The following NOL10 variants were observed in gnomAD, a reference collection of about 807,000 sequenced individuals.
NOL10 encodes nucleolar protein 10.
Under a neutral mutation model 103.5 loss-of-function variants are expected in NOL10, and 58 were observed. The observed-to-expected ratio is 0.56, with a 90% CI of 0.45 to 0.70. The LOEUF is 0.70. Among genes scored for constraint, NOL10 ranks in the 30% least tolerant of loss-of-function variants. The pLI is 0.00. For missense variants in NOL10, 763 were observed against 807.3 expected (o/e 0.95, Z 0.67); for synonymous variants, 287 against 282.5 (o/e 1.02, Z -0.16).
rs1341918622 is a variant in NOL10, at chr2:10,587,178, T to TAC, written c.1844+1863_1844+1864dup. On this transcript the variant is annotated intron_variant, in intron 19 of 20. Coordinates refer to ENST00000381685, the MANE Select transcript of NOL10 (RefSeq NM_024894.4). ...ATATACACATATATACACATATATATACACATATATATACACATATATATA... is the reference window on the plus strand; with the variant it reads ...ATATACACATATATACACATATATATACACACATATATATACACATATATATA... Among the ~76,000 whole-genome samples, 2 of 52,700 alleles carry TAC rather than the reference T, an allele frequency of 3.8e-5. 1 individual carries two copies. Among genetic ancestry groups the TAC allele is most frequent in the Admixed American group, 4.3e-4 (2 of 4,640 alleles). The allele number at this position is 52,700 out of a possible 152,430, so 34.6% of individuals were successfully genotyped here. A position where few individuals can be genotyped will look rare whatever the true frequency, so the allele number is the denominator to read the frequency against.
At chr2:10,578,526 CTG>C (rs1360544131) in intron 19 of NOL10, among the ~76,000 whole-genome samples, 2 of 152,176 alleles carry the variant, frequency 1.3e-5, no homozygotes, top group East Asian at 1.9e-4. Context: ...TTTATATAAT[CTG>C]TGTCTCTGTT....
At chr2:10,604,240 T>C (rs527539716) in intron 14 of NOL10, among the ~76,000 whole-genome samples, 2 of 152,206 alleles carry the variant, frequency 1.3e-5, no homozygotes, top group Non-Finnish European at 1.5e-5. Flanking sequence ...TATGGGTCCA[T>C]GGCCCAGGGG....
chr2:10,673,452 C>T, intron 5 of NOL10, 68 bp downstream of exon 5: 1 of 968,234 alleles, frequency 1.0e-6, no homozygotes, highest in Non-Finnish European at 1.5e-6. Flanking sequence ...AACTGCTTAT[C>T]ATTAAAATAA....
intron 12 of NOL10, among the ~76,000 whole-genome samples, chr2:10,653,750 T>C (rs1679638734): frequency 6.6e-6 from 1 of 151,684 alleles, no homozygotes; most frequent in Non-Finnish European, 1.5e-5. Context: ...CCTAACCAAA[T>C]CTCACTCGGC....
chr2:10,610,237 T>C (rs1034417440), intron 13 of NOL10, among the ~76,000 whole-genome samples: 6 of 152,150 alleles, frequency 3.9e-5, no homozygotes. Context: ...AATAAAAAGA[T>C]TATACTGTGT....
intron 12 of NOL10, among the ~76,000 whole-genome samples, chr2:10,651,570 C>T (rs372870063): frequency 5.3e-5 from 8 of 152,050 alleles, no homozygotes; most frequent in Admixed American, 3.9e-4. Flanking sequence ...ATATTTTATA[C>T]TCACAGTACA....
intron 15 of NOL10, 54 bp downstream of exon 15, chr2:10,603,024 C>T: frequency 2.1e-6 from 3 of 1,408,442 alleles, no homozygotes; most frequent in Non-Finnish European, 3.0e-6. Context: ...GAGGAAATGG[C>T]CACAGACTGC....
chr2:10,666,729 T>A (rs757700085), intron 8 of NOL10, among the ~76,000 whole-genome samples: 1 of 150,924 alleles, frequency 6.6e-6, no homozygotes, highest in Non-Finnish European at 1.5e-5. Flanking sequence ...AATGGAGAAC[T>A]ACAGTAGAAT....
chr2:10,594,528 T>C (rs1030685423), intron 17 of NOL10, among the ~76,000 whole-genome samples: 1 of 152,196 alleles, frequency 6.6e-6, no homozygotes, highest in Non-Finnish European at 1.5e-5. Context: ...AGCATAAGTC[T>C]AACCTATCTA....
intron 11 of NOL10, among the ~76,000 whole-genome samples, chr2:10,657,537 A>ACTT (rs3832139): frequency 0.32 from 48,041 of 151,702 alleles, 8,180 homozygotes; most frequent in South Asian, 0.48. Flanking sequence ...AATTGGGAAA[A>ACTT]CTTAACAGAA....
At chr2:10,632,461 C>T (rs1677912834) in intron 13 of NOL10, among the ~76,000 whole-genome samples, 2 of 152,152 alleles carry the variant, frequency 1.3e-5, no homozygotes, top group Admixed American at 6.5e-5. Flanking sequence ...TGTGTAGTTT[C>T]CCAAACCCCA....
intron 16 of NOL10, among the ~76,000 whole-genome samples, chr2:10,602,117 A>G (rs1236587003): frequency 6.6e-6 from 1 of 152,182 alleles, no homozygotes; most frequent in Admixed American, 6.5e-5. Context: ...GCAGTTTCCA[A>G]CGCTCCCAGG....
chr2:10,669,406 A>G (rs1680765296), intron 6 of NOL10, among the ~76,000 whole-genome samples: 1 of 148,466 alleles, frequency 6.7e-6, no homozygotes, highest in South Asian at 2.1e-4. Flanking sequence ...TTTCTTTTCT[A>G]TATTTTCCCA....
chr2:10,597,470 G>C (rs1675753296), intron 17 of NOL10, among the ~76,000 whole-genome samples: 1 of 152,210 alleles, frequency 6.6e-6, no homozygotes, highest in African/African-American at 2.4e-5. Flanking sequence ...ATCTGCTGAT[G>C]AGACTTAGCA....
chr2:10,646,867 T>A (rs1490913083), intron 12 of NOL10, among the ~76,000 whole-genome samples: 1 of 152,128 alleles, frequency 6.6e-6, no homozygotes, highest in East Asian at 1.9e-4. Flanking sequence ...TTTAAAAAAG[T>A]CAGTATGAAT....
chr2:10,671,475 G>A (rs756137236), intron 6 of NOL10, 79 bp downstream of exon 6: 1 of 1,165,524 alleles, frequency 8.6e-7, no homozygotes. Context: ...CCTAAACAGA[G>A]AAAATGTACA....
intron 19 of NOL10, among the ~76,000 whole-genome samples, chr2:10,586,516 G>A (rs1006635149): frequency 6.6e-6 from 1 of 152,176 alleles, no homozygotes; most frequent in African/African-American, 2.4e-5. Context: ...GAACATTATA[G>A]TTGGCCCTTG....
intron 17 of NOL10, among the ~76,000 whole-genome samples, chr2:10,594,875 T>C (rs2148172690): frequency 6.6e-6 from 1 of 152,118 alleles, no homozygotes. Context: ...TGTGCACCTG[T>C]AATCCCAGCT....
intron 13 of NOL10, among the ~76,000 whole-genome samples, chr2:10,626,012 A>AC: frequency 1.1e-5 from 1 of 95,182 alleles, no homozygotes; most frequent in East Asian, 6.0e-4. Flanking sequence ...TGTCTCTATG[A>AC]AAAAAAAAAT....
Sources: gnomAD v4.1 joint callset for allele counts (sites outside exome capture counted in the v4.1 genomes callset) on GRCh38, gnomAD v4.1.1 for gene constraint, MANE v1.5 for transcripts, NCBI Gene and HGNC (gene_info 2026-07-23, HGNC 2026-07-21) for gene names.